ESRRB: variants seen among roughly 807,000 people sequenced by gnomAD.
ESRRB encodes the protein steroid hormone receptor ERR2.
ESRRB carries 16 observed loss-of-function variants against 46.0 expected under a neutral mutation model. The ratio of observed to expected loss-of-function variants is 0.35; its 90% confidence interval spans 0.24 to 0.53. The LOEUF is 0.53. Among genes scored for constraint, ESRRB ranks in the 20% least tolerant of loss-of-function variants. ESRRB has a pLI of 0.93. For missense variants in ESRRB, 488 were observed against 607.4 expected (o/e 0.80, Z 2.07); for synonymous variants, 246 against 259.6 (o/e 0.95, Z 0.50).
chr14:76,485,049 AT>A (rs1214543563), intron 5 of ESRRB, among the ~76,000 whole-genome samples: 6 of 152,270 alleles, frequency 3.9e-5, no homozygotes, highest in Non-Finnish European at 5.9e-5. Context: ...TGGTAAAAAA[AT>A]AAAATAAAAT....
At chr14:76,313,747 G>A (rs939780435) in intron 1 of ESRRB, among the ~76,000 whole-genome samples, 2 of 152,110 alleles carry the variant, frequency 1.3e-5, no homozygotes, top group Non-Finnish European at 2.9e-5. Context: ...CAGTATATCT[G>A]TCCATCTTTT....
intron 1 of ESRRB, among the ~76,000 whole-genome samples, chr14:76,433,632 C>G (rs931953916): frequency 6.6e-6 from 1 of 152,184 alleles, no homozygotes; most frequent in African/African-American, 2.4e-5. Flanking sequence ...CTGCTCCGCC[C>G]AGTCCTCTAC....
intron 3 of ESRRB, among the ~76,000 whole-genome samples, chr14:76,470,349 C>A (rs1481193534): frequency 6.6e-6 from 1 of 152,224 alleles, no homozygotes; most frequent in Non-Finnish European, 1.5e-5. Flanking sequence ...CAGTTTCATT[C>A]CCGCTCATTT....
intron 1 of ESRRB, among the ~76,000 whole-genome samples, chr14:76,311,284 C>T (rs1392362296): frequency 6.6e-6 from 1 of 152,154 alleles, no homozygotes; most frequent in African/African-American, 2.4e-5. Context: ...AGCAGGGTAG[C>T]GATGTCGCCC....
intron 5 of ESRRB, among the ~76,000 whole-genome samples, chr14:76,488,600 C>T (rs1168430885): frequency 6.6e-6 from 1 of 152,184 alleles, no homozygotes; most frequent in Non-Finnish European, 1.5e-5. Context: ...CTTTTAGCTG[C>T]AAAGTTTTGT....
At chr14:76,490,904 C>A (rs1890197765) in intron 5 of ESRRB, among the ~76,000 whole-genome samples, 1 of 152,196 alleles carries the variant, frequency 6.6e-6, no homozygotes, top group African/African-American at 2.4e-5. Flanking sequence ...TCACTGGGGC[C>A]TTCCCCTGTG....
At chr14:76,450,139 G>GA (rs1359506123) in intron 2 of ESRRB, among the ~76,000 whole-genome samples, 1 of 142,264 alleles carries the variant, frequency 7.0e-6, no homozygotes, top group East Asian at 1.9e-4. Flanking sequence ...GAGTGACTGA[G>GA]AAAGGGGGGG....
chr14:76,325,815 G>A (rs1883923424), intron 1 of ESRRB, among the ~76,000 whole-genome samples: 1 of 152,216 alleles, frequency 6.6e-6, no homozygotes, highest in Non-Finnish European at 1.5e-5. Flanking sequence ...AGGGCGCGCT[G>A]GCCCGCAGTA....
rs1243728921 is a variant in ESRRB, at chr14:76,391,914, G to A, written c.50+15463G>A. ...GTATCCAAGGGGTTGAGGGCCTAGAGGGGCCTGAGGAACCACCTTGCCAGG... is the reference window on the plus strand; with the variant it reads ...GTATCCAAGGGGTTGAGGGCCTAGAAGGGCCTGAGGAACCACCTTGCCAGG... On this transcript the variant is annotated intron_variant, in intron 1 of 6. Transcript: ENST00000644823. 2.0e-5 allele frequency among the ~76,000 whole-genome samples: 3 copies of A among 152,188 alleles called. No individual in the cohort carries two copies. The East Asian group carries it at 5.8e-4, about 29-fold the overall frequency.
intron 6 of ESRRB, among the ~76,000 whole-genome samples, chr14:76,497,098 T>A (rs1210820276): frequency 6.6e-6 from 1 of 151,090 alleles, no homozygotes; most frequent in East Asian, 1.9e-4. Flanking sequence ...CTGGCAGGAG[T>A]CAGGAGCCCA....
intron 5 of ESRRB, among the ~76,000 whole-genome samples, chr14:76,485,838 G>A (rs577140078): frequency 3.1e-4 from 47 of 152,136 alleles, no homozygotes; most frequent in Non-Finnish European, 6.2e-4. Context: ...GTCCTTAAAC[G>A]CAAGGTACCG....
At chr14:76,483,807 G>A (rs1179947845) in intron 5 of ESRRB, among the ~76,000 whole-genome samples, 1 of 152,182 alleles carries the variant, frequency 6.6e-6, no homozygotes, top group Non-Finnish European at 1.5e-5. Flanking sequence ...TACAGCAGAC[G>A]ATACAGCAAA....
chr14:76,448,676 C>G (rs1288292718), intron 2 of ESRRB, among the ~76,000 whole-genome samples: 2 of 152,038 alleles, frequency 1.3e-5, no homozygotes, highest in Non-Finnish European at 2.9e-5. Flanking sequence ...TGTCCTCTCA[C>G]AGTACCTGGC....
intron 3 of ESRRB, among the ~76,000 whole-genome samples, chr14:76,465,698 C>T (rs1291254999): frequency 6.6e-6 from 1 of 152,186 alleles, no homozygotes; most frequent in African/African-American, 2.4e-5. Flanking sequence ...TGGGGCCTCC[C>T]AGGCAGACAT....
intron 5 of ESRRB, among the ~76,000 whole-genome samples, chr14:76,489,417 C>A (rs976449630): frequency 2.7e-5 from 4 of 146,464 alleles, no homozygotes; most frequent in African/African-American, 1.0e-4. Context: ...CAGCCACACA[C>A]CCTCTCCCAT....
intron 2 of ESRRB, among the ~76,000 whole-genome samples, chr14:76,440,921 G>A (rs1775772600): frequency 6.6e-6 from 1 of 152,120 alleles, no homozygotes; most frequent in East Asian, 1.9e-4. Flanking sequence ...AGTGTCAAAT[G>A]CCTGTAATCT....
chr14:76,317,648 C>T (rs923085424), intron 1 of ESRRB, among the ~76,000 whole-genome samples: 8 of 152,110 alleles, frequency 5.3e-5, no homozygotes, highest in Non-Finnish European at 8.8e-5. Context: ...CCGCTTCCGC[C>T]CGCGGGCTCC....
intron 1 of ESRRB, among the ~76,000 whole-genome samples, chr14:76,343,718 G>C (rs1023603613): frequency 1.3e-5 from 2 of 152,366 alleles, no homozygotes; most frequent in South Asian, 4.1e-4. Context: ...AAGCTGCATG[G>C]CTTCTTCTGA....
At chr14:76,449,232 G>A (rs1297240277) in intron 2 of ESRRB, among the ~76,000 whole-genome samples, 1 of 152,160 alleles carries the variant, frequency 6.6e-6, no homozygotes, top group Non-Finnish European at 1.5e-5. Context: ...TTATTTTCCT[G>A]GGAATAACTA....
Sources: allele counts gnomAD v4.1 joint callset (sites outside exome capture counted in the v4.1 genomes callset), GRCh38; gene constraint gnomAD v4.1.1; transcripts MANE v1.5; gene names NCBI Gene and HGNC (gene_info 2026-07-23, HGNC 2026-07-21).